The following GATA5 variants were observed in gnomAD, a reference collection of about 807,000 sequenced individuals.
The protein encoded by GATA5 is GATA binding protein 5, also known as transcription factor GATA-5.
GATA5 carries 27 observed loss-of-function variants against 35.0 expected under a neutral mutation model. The observed-to-expected ratio is 0.77, with a 90% CI of 0.57 to 1.06. The LOEUF is 1.06. Ranked by LOEUF, GATA5 falls within the 50% of genes least tolerant of loss-of-function variation. GATA5 has a pLI of 0.00. For synonymous variants in GATA5, 306 were observed against 267.8 expected (o/e 1.14, Z -1.39); for missense variants, 612 against 580.0 (o/e 1.06, Z -0.57).
chr20:62,475,535 G>T lies in GATA5; in HGVS notation c.-14C>A. 1 of 1,272,796 alleles carries T rather than the reference G, an allele frequency of 7.9e-7. No individual in the cohort carries two copies. The highest frequency in any genetic ancestry group is 3.5e-5 in the Admixed American group (1 of 28,290). The allele number at this position is 1,272,796 out of a possible 1,614,324, so 78.8% of individuals were successfully genotyped here. A position where few individuals can be genotyped will look rare whatever the true frequency, so the allele number is the denominator to read the frequency against. On this transcript the variant is annotated 5_prime_UTR_variant, in exon 2 of 7. Coordinates refer to ENST00000252997, the MANE Select transcript of GATA5 (RefSeq NM_080473.5). ...GCTCTGGTACATCCTCCCAGGCGTGGTCTTGACCTGCAGGGAAGAGGGACA... is the reference window on the plus strand; with the variant it reads ...GCTCTGGTACATCCTCCCAGGCGTGTTCTTGACCTGCAGGGAAGAGGGACA...
chr20:62,469,963 T>C (rs1989684163), intron 3 of GATA5, among the ~76,000 whole-genome samples: 1 of 152,138 alleles, frequency 6.6e-6, no homozygotes, highest in Non-Finnish European at 1.5e-5. Context: ...GACGATGCCT[T>C]CATTTGTCCC....
intron 3 of GATA5, among the ~76,000 whole-genome samples, chr20:62,471,448 T>TTTTTTTTTTTTTTTTTTTG (rs1216745509): frequency 1.5e-4 from 22 of 142,264 alleles, no homozygotes; most frequent in Non-Finnish European, 2.6e-4. Context: ...TTTTTTTTTT[T>TTTTTTTTTTTTTTTTTTTG]TGTGATGAGG....
chr20:62,475,184 C>T lies in GATA5; in HGVS notation c.338G>A (p.Gly113Asp). The T allele has an allele frequency of 3.2e-6, 4 of 1,269,306 alleles. No individual in the cohort carries two copies. Among genetic ancestry groups the T allele is most frequent in the Non-Finnish European group, 4.0e-6 (4 of 1,004,932 alleles). The allele number at this position is 1,269,306 out of a possible 1,614,324, so 78.6% of individuals were successfully genotyped here. A position where few individuals can be genotyped will look rare whatever the true frequency, so the allele number is the denominator to read the frequency against. ...GSGGSAGGRD[G>D]SAYQGALLPR... ...CAACAGCGCGCCCTGGTAGGCACTG[C>T]CGTCTCGGCCCCCCGCGCTGCCGCC... The change falls in exon 2 of 7, where the codon GGC (glycine) becomes GAC (aspartate). Residue 113 changes from glycine to aspartate, a missense_variant. Coordinates refer to ENST00000252997, the MANE Select transcript of GATA5 (RefSeq NM_080473.5).
chr20:62,473,639 A>G lies in GATA5; in HGVS notation c.524-61T>C, dbSNP rs943477497. The G allele has an allele frequency of 2.0e-6, 3 of 1,497,254 alleles. No individual in the cohort carries two copies. The South Asian group carries it at 3.7e-5, about 19-fold the overall frequency. 92.7% of individuals were successfully genotyped at this position (1,497,254 alleles called of 1,614,324 possible). ...CCCTCCCCAGGATCCTCCCCAGCTC[A>G]TGGGCCGGCACCCTCCCCTCCCCAG... is the stretch of plus-strand genomic sequence containing the variant. On this transcript the variant is annotated intron_variant, in intron 2 of 6. Coordinates refer to ENST00000252997, the MANE Select transcript of GATA5 (RefSeq NM_080473.5).
rs574764628 is a variant in GATA5, at chr20:62,471,432, A to ATTTTTTTTTTTTTTTTTTTTTT, written c.699+1970_699+1971insAAAAAAAAAAAAAAAAAAAAAA. On this transcript the variant is annotated intron_variant, in intron 3 of 6. Coordinates refer to ENST00000252997, the MANE Select transcript of GATA5 (RefSeq NM_080473.5). The stretch of plus-strand genomic sequence containing the variant: ...TAAAGAGAAGTTAATTTCAATTACA[A>ATTTTTTTTTTTTTTTTTTTTTT]TTTTTTTTTTTTTTTTTGTGATGAG... 4.0e-3 allele frequency among the ~76,000 whole-genome samples: 330 copies of ATTTTTTTTTTTTTTTTTTTTTT among 81,728 alleles called. 47 individuals carry two copies. Among genetic ancestry groups the ATTTTTTTTTTTTTTTTTTTTTT allele is most frequent in the Middle Eastern group, 9.3e-3 (1 of 108 alleles). The allele number at this position is 81,728 out of a possible 152,430, so 53.6% of individuals were successfully genotyped here. A position where few individuals can be genotyped will look rare whatever the true frequency, so the allele number is the denominator to read the frequency against.
At position 62,470,605 on chromosome 20, in the gene GATA5, C is replaced by G. The variant is rs530541939; in HGVS notation, c.699+2798G>C. The stretch of plus-strand genomic sequence containing the variant: ...ACTCCAGGTAAGGACCAGTCTTGCT[C>G]AGCGGGAAGGGACGCTTGGCTCCAT... On this transcript the variant is annotated intron_variant, in intron 3 of 6. Coordinates refer to ENST00000252997, the MANE Select transcript of GATA5 (RefSeq NM_080473.5). The surrounding 1 kb of genome is among the most constrained non-coding windows in gnomAD (Gnocchi z 4.6). 5.1e-4 allele frequency among the ~76,000 whole-genome samples: 78 copies of G among 152,268 alleles called. No homozygotes were observed. Among genetic ancestry groups the G allele is most frequent in the African/African-American group, 1.8e-3 (75 of 41,552 alleles).
rs1555897052 is a variant in GATA5 at position 62,475,381 on chromosome 20, G to C, written c.141C>G (p.Ser47=). 7.6e-7 allele frequency: 1 copy of C among 1,317,170 alleles called. No individual in the cohort carries two copies. Among genetic ancestry groups the C allele is most frequent in the Non-Finnish European group, 9.7e-7 (1 of 1,034,214 alleles). 81.6% of individuals were successfully genotyped at this position (1,317,170 alleles called of 1,614,324 possible). The change falls in exon 2 of 7, where the codon TCC becomes TCG. Residue 47 remains serine (S), a synonymous_variant. Coordinates refer to ENST00000252997, the MANE Select transcript of GATA5 (RefSeq NM_080473.5). ...ARVPSMLSYL[S]GCEPSPQPPE... ...GGGGCTGCGGGCTCGGCTCACACCC[G>C]GACAGGTAGGACAGCATCGAGGGGA... is the stretch of plus-strand genomic sequence containing the variant.
intron 3 of GATA5, among the ~76,000 whole-genome samples, chr20:62,471,443 T>TTTTTTTTTTTTTTTG (rs1989719968): frequency 7.3e-6 from 1 of 137,056 alleles, no homozygotes; most frequent in Non-Finnish European, 1.6e-5. Flanking sequence ...TTTTTTTTTT[T>TTTTTTTTTTTTTTTG]TTTTTTGTGA....
rs550323309 is a variant in GATA5, at chr20:62,467,142, C to T, written c.700-591G>A. Among the ~76,000 whole-genome samples the T allele has an allele frequency of 9.8e-5, 15 of 152,338 alleles. No individual in the cohort carries two copies. In the South Asian group the frequency reaches 2.7e-3, roughly 27 times the overall value. ...AGGCTCCAACATTGCCTCCCTCCTTCCCGTGGCTCTCAGTAGAGACTGACC... is the reference window on the plus strand; with the variant it reads ...AGGCTCCAACATTGCCTCCCTCCTTTCCGTGGCTCTCAGTAGAGACTGACC... On this transcript the variant is annotated intron_variant, in intron 3 of 6. Transcript: ENST00000252997.
Position 62,475,011 on chromosome 20 carries a change from T to C in GATA5, c.511A>G (p.Arg171Gly). ...GSVLHGLPGR[R>G]PTFVSDFLEE... ...CCCCCGCACTCACCGAAGGTGGGCC[T>C]GCGGCCTGGGAGGCCGTGCAGGACG... The change falls in exon 2 of 7, where the codon AGG becomes GGG. Residue 171 changes from arginine (R) to glycine (G), a missense_variant. By Grantham distance (125) the Arg-to-Gly change is moderately radical. Transcript: ENST00000252997. The C allele has an allele frequency of 7.4e-7, 1 of 1,355,210 alleles. No homozygotes were observed. Among genetic ancestry groups the C allele is most frequent in the Non-Finnish European group, 9.5e-7 (1 of 1,049,558 alleles). 83.9% of individuals were successfully genotyped at this position (1,355,210 alleles called of 1,614,324 possible).
In GATA5 at chr20:62,475,417, C is replaced by T; in HGVS notation, c.105G>A (p.Pro35=). The part of the protein sequence containing the change: ...APGAGSPMFV[P]PARVPSMLSY... ...ACAGCATCGAGGGGACGCGCGCCGG[C>T]GGCACAAACATCGGAGAGCCGGCGC... Residue 35 remains proline, a synonymous_variant, in exon 2 of 7, where the codon CCG becomes CCA. Coordinates refer to ENST00000252997, the MANE Select transcript of GATA5 (RefSeq NM_080473.5). 7.4e-7 allele frequency: 1 copy of T among 1,357,828 alleles called. No individual in the cohort carries two copies. The highest frequency in any genetic ancestry group is 9.5e-7 in the Non-Finnish European group (1 of 1,055,092). 84.1% of individuals were successfully genotyped at this position (1,357,828 alleles called of 1,614,324 possible). A position where few individuals can be genotyped will look rare whatever the true frequency, so the allele number is the denominator to read the frequency against.
chr20:62,471,143 G>A (rs1170787223), intron 3 of GATA5, among the ~76,000 whole-genome samples: 2 of 152,160 alleles, frequency 1.3e-5, no homozygotes, highest in African/African-American at 4.8e-5. Flanking sequence ...CTGGACACAG[G>A]TATTGCCCGG....
In GATA5 at chr20:62,475,340, C is replaced by A; in HGVS notation, c.182G>T (p.Arg61Leu). The change falls in exon 2 of 7, where the codon CGC (arginine) becomes CTC (leucine). Residue 61 changes from arginine to leucine, a missense_variant. By Grantham distance (102) the Arg-to-Leu change is moderately radical (BLOSUM62 -2). Coordinates refer to ENST00000252997, the MANE Select transcript of GATA5 (RefSeq NM_080473.5). ...GGTGGCTGTCTGCGCCCAGCCGGGG[C>A]GCGCAGCGAGCTCGGGGGGCTGCGG... ...PSPQPPELAA[R>L]PGWAQTATAD... 1 of 1,254,512 alleles carries A rather than the reference C, an allele frequency of 8.0e-7. No individual in the cohort carries two copies. The highest frequency in any genetic ancestry group is 3.3e-5 in the South Asian group (1 of 30,552). 77.7% of individuals were successfully genotyped at this position (1,254,512 alleles called of 1,614,324 possible). A position where few individuals can be genotyped will look rare whatever the true frequency, so the allele number is the denominator to read the frequency against.
Position 62,475,421 on chromosome 20 carries a change from A to T in GATA5, c.101T>A (p.Val34Glu). Residue 34 changes from valine (V) to glutamate (E), a missense_variant, in exon 2 of 7, where the codon GTG becomes GAG. Val to Glu is a moderately radical substitution (Grantham distance 121). Coordinates refer to ENST00000252997, the MANE Select transcript of GATA5 (RefSeq NM_080473.5). ...HAPGAGSPMF[V>E]PPARVPSMLS... The stretch of plus-strand genomic sequence containing the variant: ...CATCGAGGGGACGCGCGCCGGCGGC[A>T]CAAACATCGGAGAGCCGGCGCCCGG... The T allele has an allele frequency of 7.3e-7, 1 of 1,362,616 alleles. No homozygotes were observed. Among genetic ancestry groups the T allele is most frequent in the South Asian group, 1.8e-5 (1 of 54,494 alleles). The allele number at this position is 1,362,616 out of a possible 1,614,324, so 84.4% of individuals were successfully genotyped here. A position where few individuals can be genotyped will look rare whatever the true frequency, so the allele number is the denominator to read the frequency against.
rs782535897 is a variant in GATA5, at chr20:62,475,534, G to C, written c.-13C>G. ...GGCTCTGGTACATCCTCCCAGGCGT[G>C]GTCTTGACCTGCAGGGAAGAGGGAC... On this transcript the variant is annotated 5_prime_UTR_variant, in exon 2 of 7. Coordinates refer to ENST00000252997, the MANE Select transcript of GATA5 (RefSeq NM_080473.5). 1.5e-5 allele frequency: 19 copies of C among 1,274,292 alleles called. No homozygotes were observed. The African/African-American group carries it at 2.6e-4, about 17-fold the overall frequency. 78.9% of individuals were successfully genotyped at this position (1,274,292 alleles called of 1,614,324 possible).
Position 62,475,177 on chromosome 20 carries a change from G to A in GATA5, c.345C>T (p.Ala115=). The stretch of plus-strand genomic sequence containing the variant: ...CTCGAGGCAACAGCGCGCCCTGGTA[G>A]GCACTGCCGTCTCGGCCCCCCGCGC... ...GGSAGGRDGS[A]YQGALLPREQ... is the part of the protein sequence containing the mutation. The change falls in exon 2 of 7, where the codon GCC becomes GCT. Residue 115 remains alanine, a synonymous_variant. Coordinates refer to ENST00000252997, the MANE Select transcript of GATA5 (RefSeq NM_080473.5). 1 of 1,277,720 alleles carries A rather than the reference G, an allele frequency of 7.8e-7. No individual in the cohort carries two copies. Among genetic ancestry groups the A allele is most frequent in the Non-Finnish European group, 9.9e-7 (1 of 1,008,904 alleles). 79.1% of individuals were successfully genotyped at this position (1,277,720 alleles called of 1,614,324 possible).
At chr20:62,474,963 TC>T (rs1321469554) in intron 2 of GATA5, 35 bp downstream of exon 2, 18 of 1,272,030 alleles carry the variant, frequency 1.4e-5, no homozygotes, top group Non-Finnish European at 1.8e-5. Context: ...ATTCGGCCGC[TC>T]CTGGGCCCCG....
chr20:62,465,805 G>A (rs548049609), intron 5 of GATA5, 29 bp downstream of exon 5: 8 of 1,527,506 alleles, frequency 5.2e-6, no homozygotes, highest in East Asian at 2.4e-5. Context: ...CCGCAGGAGC[G>A]GGGCTGACTG....
At position 62,470,106 on chromosome 20, in the gene GATA5, T is replaced by C. The variant is rs1989686896; in HGVS notation, c.699+3297A>G. ...AAGAAGTCAAACTTCAAAGCCTCCTTGCGCGCAGCAGAGCCGCTCTAAGCA... is the reference window on the plus strand; with the variant it reads ...AAGAAGTCAAACTTCAAAGCCTCCTCGCGCGCAGCAGAGCCGCTCTAAGCA... On this transcript the variant is annotated intron_variant, in intron 3 of 6. Transcript: ENST00000252997. The surrounding 1 kb of genome is among the most constrained non-coding windows in gnomAD (Gnocchi z 4.6). 6.6e-6 allele frequency among the ~76,000 whole-genome samples: 1 copy of C among 152,262 alleles called. No homozygotes were observed. Among genetic ancestry groups the C allele is most frequent in the Non-Finnish European group, 1.5e-5 (1 of 68,054 alleles).
Sources: allele counts gnomAD v4.1 joint callset (sites outside exome capture counted in the v4.1 genomes callset), GRCh38; gene constraint gnomAD v4.1.1; non-coding constraint Gnocchi (gnomAD v3.1); transcripts MANE v1.5; gene names NCBI Gene and HGNC (gene_info 2026-07-23, HGNC 2026-07-21).